The following TRIM2 variants were observed in gnomAD, a reference collection of about 807,000 sequenced individuals.
TRIM2 encodes the protein tripartite motif containing 2.
A neutral mutation model predicts 75.2 loss-of-function variants in TRIM2; 20 were observed. The observed-to-expected ratio is 0.27, with a 90% CI of 0.19 to 0.39. The LOEUF (loss-of-function observed/expected upper bound fraction) is 0.39. Among genes scored for constraint, TRIM2 ranks in the 10% least tolerant of loss-of-function variants. TRIM2 has a pLI of 1.00. For missense variants in TRIM2, 660 were observed against 990.8 expected (o/e 0.67, Z 4.48); for synonymous variants, 373 against 388.3 (o/e 0.96, Z 0.46).
intron 1 of TRIM2, among the ~76,000 whole-genome samples, chr4:153,252,405 C>G (rs914407196): frequency 6.6e-6 from 1 of 152,204 alleles, no homozygotes; most frequent in African/African-American, 2.4e-5. Flanking sequence ...GTTACTCCAT[C>G]CTGGGCTGGT....
Position 153,248,790 on chromosome 4 carries a change from A to C in TRIM2, c.31-21545A>C, listed in dbSNP as rs1750003826. On this transcript the variant is annotated intron_variant, in intron 1 of 11. Coordinates refer to ENST00000338700, the MANE Select transcript of TRIM2 (RefSeq NM_015271.5). This position sits in a 1 kb window ranked among gnomAD's most constrained non-coding sequence, Gnocchi z 4.0. The stretch of plus-strand genomic sequence containing the variant: ...TCTTCTGGTAACATGTTGGAGGGGC[A>C]GCCTTCTGAGGATGGTGTCAGATTC... Among the ~76,000 whole-genome samples, 1 of 152,226 alleles carries C rather than the reference A, an allele frequency of 6.6e-6. No homozygotes were observed. Among genetic ancestry groups the C allele is most frequent in the Non-Finnish European group, 1.5e-5 (1 of 68,036 alleles).
intron 1 of TRIM2, among the ~76,000 whole-genome samples, chr4:153,223,606 A>G (rs1282564875): frequency 6.6e-6 from 1 of 152,128 alleles, no homozygotes; most frequent in East Asian, 1.9e-4. Flanking sequence ...TGAAAGCTGC[A>G]TGCCGCTGAC....
Position 153,336,051 on chromosome 4 carries a change from T to C in TRIM2, c.*1085T>C, listed in dbSNP as rs1025843588. ...AAGGGCATGTTATGGTTATTTATCA[T>C]TGTTTAATGAATAGTAGAGGTGTCA... On this transcript the variant is annotated 3_prime_UTR_variant, in exon 12 of 12. Transcript: ENST00000338700. 4 of 985,674 alleles carry C rather than the reference T, an allele frequency of 4.1e-6. No homozygotes were observed. In the African/African-American group the frequency reaches 5.2e-5, roughly 13 times the overall value. 61.1% of individuals were successfully genotyped at this position (985,674 alleles called of 1,614,324 possible).
Position 153,339,027 on chromosome 4 carries a change from T to C in TRIM2, c.*4061T>C. 2 of 985,782 alleles carry C rather than the reference T, an allele frequency of 2.0e-6. No individual in the cohort carries two copies. Among genetic ancestry groups the C allele is most frequent in the East Asian group, 1.1e-4 (1 of 8,820 alleles). The allele number at this position is 985,782 out of a possible 1,614,324, so 61.1% of individuals were successfully genotyped here. On this transcript the variant is annotated 3_prime_UTR_variant, in exon 12 of 12. Coordinates refer to ENST00000338700, the MANE Select transcript of TRIM2 (RefSeq NM_015271.5). ...TTATAGGTCTGTTTCATATGTTTTATGTATAGAACACTAAGTCTTGCACTC... is the reference window on the plus strand; with the variant it reads ...TTATAGGTCTGTTTCATATGTTTTACGTATAGAACACTAAGTCTTGCACTC...
chr4:153,158,899 A>G (rs1307862528), intron 1 of TRIM2, among the ~76,000 whole-genome samples: 1 of 152,232 alleles, frequency 6.6e-6, no homozygotes, highest in Admixed American at 6.5e-5. Flanking sequence ...TTGGCAACTC[A>G]TTTGATATGG....
chr4:153,254,293 A>G (rs913471145), intron 1 of TRIM2, among the ~76,000 whole-genome samples: 7 of 152,210 alleles, frequency 4.6e-5, no homozygotes, highest in African/African-American at 1.7e-4. Flanking sequence ...GCCAATCCCA[A>G]TTTAGTAGCG....
At chr4:153,176,838 T>G (rs1223662375) in intron 1 of TRIM2, among the ~76,000 whole-genome samples, 1 of 152,176 alleles carries the variant, frequency 6.6e-6, no homozygotes, top group Non-Finnish European at 1.5e-5. Flanking sequence ...CTCGAACTCC[T>G]GACCTCAGGA....
At chr4:153,264,983 T>C (rs1754559828) in intron 1 of TRIM2, among the ~76,000 whole-genome samples, 1 of 152,220 alleles carries the variant, frequency 6.6e-6, no homozygotes, top group Admixed American at 6.5e-5. Context: ...AAATTAACAA[T>C]ACTACAATAT....
At position 153,294,398 on chromosome 4, in the gene TRIM2, C is replaced by T; in HGVS notation, c.699C>T (p.Ser233=). ...QKASIVDDIH[S]TFDELQKTLN... is the part of the protein sequence containing the mutation. ...CCAGCATCGTGGATGACATTCATTCCACCTTTGATGAGCTCCAGAAGACTT... is the reference window on the plus strand; with the variant it reads ...CCAGCATCGTGGATGACATTCATTCTACCTTTGATGAGCTCCAGAAGACTT... The change falls in exon 5 of 12, where the codon TCC becomes TCT. Residue 233 remains serine (S), a synonymous_variant. Coordinates refer to ENST00000338700, the MANE Select transcript of TRIM2 (RefSeq NM_015271.5). The T allele has an allele frequency of 6.2e-7, 1 of 1,614,140 alleles. No individual in the cohort carries two copies. The highest frequency in any genetic ancestry group is 8.5e-7 in the Non-Finnish European group (1 of 1,180,024).
chr4:153,307,947 C>A, intron 6 of TRIM2: 4 of 755,132 alleles, frequency 5.3e-6, no homozygotes, highest in Non-Finnish European at 7.5e-6. Context: ...GTCGTACAGC[C>A]GGTCAGCGAA....
rs1560875619 is a variant in TRIM2 at position 153,244,421 on chromosome 4, T to TTCTTCTTCTTCC, written c.31-25903_31-25902insCTCTTCTTCTTC. Among the ~76,000 whole-genome samples the TTCTTCTTCTTCC allele has an allele frequency of 2.4e-4, 21 of 89,150 alleles. 1 individual carries two copies. Among genetic ancestry groups the TTCTTCTTCTTCC allele is most frequent in the Non-Finnish European group, 3.3e-4 (14 of 42,700 alleles). The allele number at this position is 89,150 out of a possible 152,430, so 58.5% of individuals were successfully genotyped here. A position where few individuals can be genotyped will look rare whatever the true frequency, so the allele number is the denominator to read the frequency against. On this transcript the variant is annotated intron_variant, in intron 1 of 11. Coordinates refer to ENST00000338700, the MANE Select transcript of TRIM2 (RefSeq NM_015271.5). Reference sequence around the variant, plus strand: ...CTTCTTCTTCTTCTTCTTCTTCTTCTTCTTCTTCTTCTTCTTTTAATTAGA... The same window carrying TTCTTCTTCTTCC: ...CTTCTTCTTCTTCTTCTTCTTCTTCTTCTTCTTCTTCCTCTTCTTCTTCTTCTTTTAATTAGA...
chr4:153,239,211 G>T (rs1355603629), intron 1 of TRIM2, among the ~76,000 whole-genome samples: 1 of 152,100 alleles, frequency 6.6e-6, no homozygotes, highest in Non-Finnish European at 1.5e-5. Flanking sequence ...AATTAGCCAG[G>T]CGTCGTGGCG....
intron 6 of TRIM2, among the ~76,000 whole-genome samples, chr4:153,313,190 T>C (rs1394409328): frequency 1.6e-4 from 24 of 152,164 alleles, no homozygotes; most frequent in Admixed American, 1.6e-3. Flanking sequence ...TTCACGAGTG[T>C]TCACTGCTTC....
intron 1 of TRIM2, among the ~76,000 whole-genome samples, chr4:153,168,671 G>T (rs1730548966): frequency 6.9e-6 from 1 of 145,396 alleles, no homozygotes; most frequent in Non-Finnish European, 1.5e-5. Flanking sequence ...GAGTGTCAAA[G>T]AAGTTTTTCT....
At chr4:153,298,513 G>A (rs562657873) in intron 6 of TRIM2, among the ~76,000 whole-genome samples, 1 of 152,052 alleles carries the variant, frequency 6.6e-6, no homozygotes, top group East Asian at 1.9e-4. Flanking sequence ...CTGAATTAGG[G>A]CCCCGCTTTA....
intron 11 of TRIM2, among the ~76,000 whole-genome samples, 172 bp from the exon 12 acceptor site, chr4:153,334,642 G>T (rs1772219431): frequency 6.6e-6 from 1 of 152,110 alleles, no homozygotes; most frequent in Non-Finnish European, 1.5e-5. Context: ...CGAATTAAAG[G>T]TTACAGTAAG....
chr4:153,266,490 G>A (rs1052975786), intron 1 of TRIM2, among the ~76,000 whole-genome samples: 11 of 151,848 alleles, frequency 7.2e-5, no homozygotes, highest in South Asian at 2.1e-4. Context: ...CTACAGGTGC[G>A]CACCACCACG....
intron 8 of TRIM2, 112 bp from the exon 9 acceptor site, chr4:153,322,536 C>T (rs891144101): frequency 3.3e-6 from 4 of 1,197,786 alleles, no homozygotes; most frequent in African/African-American, 3.1e-5. Context: ...GCTGTGTACC[C>T]GTTTGAACCT....
At chr4:153,213,858 A>T (rs746417983) in intron 1 of TRIM2, among the ~76,000 whole-genome samples, 3 of 152,202 alleles carry the variant, frequency 2.0e-5, no homozygotes, top group African/African-American at 4.8e-5. Context: ...AACGAATTTA[A>T]TCTTTGTAAC....
Sources: gnomAD v4.1 joint callset for allele counts (sites outside exome capture counted in the v4.1 genomes callset) on GRCh38, gnomAD v4.1.1 for gene constraint, Gnocchi (gnomAD v3.1) non-coding constraint, MANE v1.5 for transcripts, NCBI Gene and HGNC (gene_info 2026-07-23, HGNC 2026-07-21) for gene names.